NDST1: variants seen among roughly 807,000 people sequenced by gnomAD.
The protein encoded by NDST1 is bifunctional heparan sulfate N-deacetylase/N-sulfotransferase 1.
Under a neutral mutation model 92.8 loss-of-function variants are expected in NDST1, and 35 were observed. The ratio of observed to expected loss-of-function variants is 0.38; its 90% CI spans 0.29 to 0.50. NDST1 has a LOEUF of 0.50. Ranked by LOEUF, NDST1 falls within the 20% of genes least tolerant of loss-of-function variation. The pLI, the probability that NDST1 is intolerant of heterozygous loss-of-function variation, is 0.94. For synonymous variants in NDST1, 493 were observed against 500.3 expected (o/e 0.99, Z 0.19); for missense variants, 822 against 1,182.7 (o/e 0.69, Z 4.47).
intron 1 of NDST1, among the ~76,000 whole-genome samples, chr5:150,500,314 A>G (rs1753174136): frequency 6.6e-6 from 1 of 152,182 alleles, no homozygotes. Flanking sequence ...ACCACTCTTT[A>G]AGGACTGTCT....
chr5:150,533,495 T>C (rs1754839013), intron 4 of NDST1, among the ~76,000 whole-genome samples: 1 of 152,146 alleles, frequency 6.6e-6, no homozygotes, highest in Non-Finnish European at 1.5e-5. Flanking sequence ...GTGAGGGCTA[T>C]AGGTTGCTTG....
intron 12 of NDST1, 43 bp from the exon 13 acceptor site, chr5:150,549,635 A>G: frequency 2.4e-6 from 3 of 1,258,194 alleles, no homozygotes; most frequent in Non-Finnish European, 3.5e-6. Flanking sequence ...CTTGTTTGCC[A>G]CCGAAGTCAA....
Position 150,558,044 on chromosome 5 carries a change from G to A in NDST1, c.*4712G>A, listed in dbSNP as rs1755910074. 1.5e-5 allele frequency: 2 copies of A among 132,306 alleles called. No homozygotes were observed. The highest frequency in any genetic ancestry group is 5.4e-4 in the South Asian group (2 of 3,732). The allele number at this position is 132,306 out of a possible 1,614,324, so 8.2% of individuals were successfully genotyped here. On this transcript the variant is annotated 3_prime_UTR_variant, in exon 15 of 15. Transcript: ENST00000261797. ...GGGCACACTGGGGAAGCAGGCAGAG[G>A]TTTCCTTCCCTTGTAGGGGGGTGGG...
Position 150,549,754 on chromosome 5 carries a change from T to C in NDST1, c.2393T>C (p.Val798Ala), listed in dbSNP as rs201854922. 33 of 1,613,442 alleles carry C rather than the reference T, an allele frequency of 2.0e-5. 1 individual carries two copies. Among genetic ancestry groups the C allele is most frequent in the Non-Finnish European group, 1.7e-6 (2 of 1,179,482 alleles). ...VMDMVQKFLG[V>A]TNTIDYHKTL... The stretch of plus-strand genomic sequence containing the variant: ...GACATGGTGCAGAAGTTCCTTGGGG[T>C]GACCAACACCATTGACTACCACAAA... Residue 798 changes from valine (V) to alanine (A), a missense_variant, in exon 13 of 15, where the codon GTG becomes GCG. Transcript: ENST00000261797.
Position 150,537,799 on chromosome 5 carries a change from T to A in NDST1, c.1438-1429T>A, listed in dbSNP as rs537676741. On this transcript the variant is annotated intron_variant, in intron 6 of 14. Coordinates refer to ENST00000261797, the MANE Select transcript of NDST1 (RefSeq NM_001543.5). ...TGCTGGTTTTGTGACTTGGGGGTCATCACAGGACCTGCCAACATGTGACAT... is the reference window on the plus strand; with the variant it reads ...TGCTGGTTTTGTGACTTGGGGGTCAACACAGGACCTGCCAACATGTGACAT... Among the ~76,000 whole-genome samples the A allele has an allele frequency of 3.9e-5, 6 of 152,342 alleles. No individual in the cohort carries two copies. The East Asian group carries it at 1.2e-3, about 29-fold the overall frequency.
chr5:150,536,861 C>T (rs1195775381), intron 6 of NDST1, among the ~76,000 whole-genome samples: 2 of 152,242 alleles, frequency 1.3e-5, no homozygotes, highest in African/African-American at 2.4e-5. Flanking sequence ...CCACTGTGCC[C>T]AGCCTCACAT....
Position 150,528,308 on chromosome 5 carries a change from G to C in NDST1, c.1008+10G>C, listed in dbSNP as rs910190088. On this transcript the variant is annotated intron_variant, in intron 3 of 14. Coordinates refer to ENST00000261797, the MANE Select transcript of NDST1 (RefSeq NM_001543.5). ...GGTGGAGGACGTGAAGGTATGGCCG[G>C]GGGTGCTAGACCGGGCAAGGCAGGT... The C allele has an allele frequency of 1.3e-6, 2 of 1,581,952 alleles. No homozygotes were observed. Among genetic ancestry groups the C allele is most frequent in the Non-Finnish European group, 1.7e-6 (2 of 1,159,152 alleles).
upstream of NDST1, among the ~76,000 whole-genome samples, chr5:150,505,772 C>T (rs954947844): frequency 1.3e-5 from 2 of 152,068 alleles, no homozygotes; most frequent in African/African-American, 2.4e-5. Context: ...TAAATTAACT[C>T]GTTTTTTAAA....
chr5:150,520,595 A>G (rs1003597776), intron 1 of NDST1, among the ~76,000 whole-genome samples: 1 of 152,168 alleles, frequency 6.6e-6, no homozygotes, highest in African/African-American at 2.4e-5. Flanking sequence ...TAGATACCAT[A>G]TGCTAGGTAC....
chr5:150,521,837 G>T lies in NDST1; in HGVS notation c.513+70G>T, dbSNP rs1343645632. 2 of 1,590,852 alleles carry T rather than the reference G, an allele frequency of 1.3e-6. No individual in the cohort carries two copies. The highest frequency in any genetic ancestry group is 1.7e-6 in the Non-Finnish European group (2 of 1,170,570). On this transcript the variant is annotated intron_variant, in intron 2 of 14. Transcript: ENST00000261797. The surrounding 1 kb of genome is among the most constrained non-coding windows in gnomAD (Gnocchi z 5.9). ...CAGCTCAGTGCCTGAATTCTCATTT[G>T]TGAAATAGGTGTAATGGTAGCACCC...
chr5:150,524,986 C>T (rs566168837), intron 2 of NDST1, among the ~76,000 whole-genome samples: 1 of 152,356 alleles, frequency 6.6e-6, no homozygotes, highest in South Asian at 2.1e-4. Context: ...GACAGGGAGC[C>T]TGAGGCTCAG....
intron 11 of NDST1, among the ~76,000 whole-genome samples, chr5:150,547,158 T>C (rs979266208): frequency 2.0e-5 from 3 of 152,240 alleles, no homozygotes; most frequent in African/African-American, 7.2e-5. Context: ...GCAAGTTTCA[T>C]GTGGTGGCAT....
intron 11 of NDST1, 57 bp downstream of exon 11, chr5:150,545,543 T>G (rs1358805977): frequency 5.7e-6 from 9 of 1,592,268 alleles, no homozygotes; most frequent in Non-Finnish European, 7.7e-6. Context: ...CGTCTGACAC[T>G]CAGTTACTCA....
chr5:150,506,156 G>T (rs755689491), upstream of NDST1, among the ~76,000 whole-genome samples: 1 of 152,224 alleles, frequency 6.6e-6, no homozygotes, highest in Non-Finnish European at 1.5e-5. Context: ...TGTCGCACAG[G>T]TTGGAGTGCA....
rs1245818035 is a variant in NDST1 at position 150,553,859 on chromosome 5, C to G, written c.*527C>G. On this transcript the variant is annotated 3_prime_UTR_variant, in exon 15 of 15. Transcript: ENST00000261797. The surrounding 1 kb of genome is among the most constrained non-coding windows in gnomAD (Gnocchi z 4.2). ...AGGCTGGATGGGAGGGTGGCCCCCTCAAGAGGACTCCCAGCCTCCACATCT... is the reference window on the plus strand; with the variant it reads ...AGGCTGGATGGGAGGGTGGCCCCCTGAAGAGGACTCCCAGCCTCCACATCT... 1.4e-5 allele frequency: 6 copies of G among 433,840 alleles called. No individual in the cohort carries two copies. Among genetic ancestry groups the G allele is most frequent in the African/African-American group, 1.2e-4 (6 of 51,126 alleles). The allele number at this position is 433,840 out of a possible 1,614,324, so 26.9% of individuals were successfully genotyped here. A position where few individuals can be genotyped will look rare whatever the true frequency, so the allele number is the denominator to read the frequency against.
At chr5:150,537,766 T>C (rs866899343) in intron 6 of NDST1, among the ~76,000 whole-genome samples, 4 of 152,236 alleles carry the variant, frequency 2.6e-5, no homozygotes, top group African/African-American at 9.6e-5. Flanking sequence ...AAATCACTAA[T>C]AAAAACTTGC....
Position 150,520,849 on chromosome 5 carries a change from T to G in NDST1, c.-387-19T>G, listed in dbSNP as rs997478970. 2 of 426,496 alleles carry G rather than the reference T, an allele frequency of 4.7e-6. No individual in the cohort carries two copies. Among genetic ancestry groups the G allele is most frequent in the Non-Finnish European group, 8.3e-6 (2 of 242,004 alleles). 26.4% of individuals were successfully genotyped at this position (426,496 alleles called of 1,614,324 possible). ...TGAAGCCCGCACTCTGACGCTCCTG[T>G]TCTCTCCACTCTCCACAGCCTTAGC... On this transcript the variant is annotated intron_variant, in intron 1 of 14. Transcript: ENST00000261797.
intron 2 of NDST1, among the ~76,000 whole-genome samples, chr5:150,524,715 G>A (rs4642356): frequency 3.2e-3 from 493 of 152,324 alleles, no homozygotes; most frequent in African/African-American, 0.011. Flanking sequence ...GCTGGGGACC[G>A]TAAGTGTCTC....
chr5:150,537,359 A>T (rs988136349), intron 6 of NDST1, among the ~76,000 whole-genome samples: 1 of 152,266 alleles, frequency 6.6e-6, no homozygotes, highest in African/African-American at 2.4e-5. Flanking sequence ...TAGGAGAAAT[A>T]TCGCTGAATT....
Sources: allele counts gnomAD v4.1 joint callset (sites outside exome capture counted in the v4.1 genomes callset), GRCh38; gene constraint gnomAD v4.1.1; non-coding constraint Gnocchi (gnomAD v3.1); transcripts MANE v1.5; gene names NCBI Gene and HGNC (gene_info 2026-07-23, HGNC 2026-07-21).